STARD8: variants seen among roughly 807,000 people sequenced by gnomAD.
STARD8 encodes the protein StAR related lipid transfer domain containing 8.
In STARD8, 25 loss-of-function variants were observed where a neutral mutation model predicts 69.4. The ratio of observed to expected loss-of-function variants is 0.36; its 90% CI spans 0.26 to 0.50. The LOEUF is 0.50. Ranked by LOEUF, STARD8 falls within the 20% of genes least tolerant of loss-of-function variation. STARD8 has a pLI of 0.96. For missense variants in STARD8, 921 were observed against 932.5 expected, an observed-to-expected ratio of 0.99 and a Z score of 0.16; for synonymous variants, 389 against 374.6, an observed-to-expected ratio of 1.04 and a Z score of -0.45.
chrX:68,682,337 G>A (rs2079806337), intron 2 of STARD8, among the ~76,000 whole-genome samples: 1 of 112,218 alleles, frequency 8.9e-6, no homozygotes, highest in Non-Finnish European at 1.9e-5. Context: ...AAGTGCTAAT[G>A]CTGCGCCAAA....
chrX:68,687,653 G>A (rs2079842963), intron 2 of STARD8, among the ~76,000 whole-genome samples: 1 of 112,420 alleles, frequency 8.9e-6, no homozygotes, highest in Admixed American at 9.4e-5. Flanking sequence ...GAGCCAGAGA[G>A]GGCAAGACTC....
chrX:68,716,630 T>A (rs931647589), intron 5 of STARD8, among the ~76,000 whole-genome samples, 199 bp downstream of exon 5: 7 of 111,113 alleles, frequency 6.3e-5, no homozygotes, highest in Non-Finnish European at 1.3e-4. Context: ...CTTGCTTTTT[T>A]TTTTCTGGGG....
Position 68,717,722 on chromosome X carries a change from A to G in STARD8, c.808A>G (p.Ser270Gly), listed in dbSNP as rs778667833. Residue 270 changes from serine to glycine, a missense_variant, in exon 6 of 15, where the codon AGT becomes GGT. By Grantham distance (56) the Ser-to-Gly change is moderately conservative. Coordinates refer to ENST00000374599, the MANE Select transcript of STARD8 (RefSeq NM_001142503.3). The stretch of plus-strand genomic sequence containing the variant: ...CTGGGCCGCCACCTCAGCCGGTGGC[A>G]GTGGTGCCAATACTCGGAAGGCCTG... The part of the protein sequence containing the change: ...KNWAATSAGG[S>G]GANTRKAWEA... 42 of 1,210,745 alleles carry G rather than the reference A, an allele frequency of 3.5e-5. No homozygotes were observed. The highest frequency in any genetic ancestry group is 4.7e-5 in the Non-Finnish European group (42 of 895,291).
At chrX:68,678,390 C>T (rs183048424) in intron 2 of STARD8, among the ~76,000 whole-genome samples, 1 of 111,722 alleles carries the variant, frequency 9.0e-6, no homozygotes, top group Non-Finnish European at 1.9e-5. Context: ...GAAGGCCAAA[C>T]CAGACGAATG....
chrX:68,687,716 G>C (rs978983099), intron 2 of STARD8, among the ~76,000 whole-genome samples: 2 of 112,408 alleles, frequency 1.8e-5, no homozygotes, highest in Admixed American at 1.9e-4. Flanking sequence ...AAGCCAGAGT[G>C]ACAGTTGCCT....
intron 1 of STARD8, among the ~76,000 whole-genome samples, chrX:68,654,567 G>T (rs189535681): frequency 9.0e-6 from 1 of 111,575 alleles, no homozygotes; most frequent in East Asian, 2.8e-4. Flanking sequence ...GTGCACAAGG[G>T]CTTTCCTGAG....
chrX:68,696,530 A>G (rs1020181277), intron 2 of STARD8, among the ~76,000 whole-genome samples: 1 of 111,953 alleles, frequency 8.9e-6, no homozygotes, highest in Non-Finnish European at 1.9e-5. Flanking sequence ...CCTCGACCAC[A>G]CACAGGAATT....
intron 2 of STARD8, among the ~76,000 whole-genome samples, chrX:68,682,585 A>G (rs1823591767): frequency 8.9e-6 from 1 of 112,123 alleles, no homozygotes; most frequent in South Asian, 3.7e-4. Context: ...AAATAATTTA[A>G]CCTCTTCATG....
Position 68,717,386 on chromosome X carries a change from C to G in STARD8, c.472C>G (p.Leu158Val). The change falls in exon 6 of 15, where the codon CTG becomes GTG. Residue 158 changes from leucine to valine, a missense_variant. By Grantham distance (32) the Leu-to-Val change is conservative (BLOSUM62 1). Transcript: ENST00000374599. ...CCTCACCGAGCTTAGTGCCACCTCT[C>G]TGCCAGTCATCACCGTGAGCCTACC... is the stretch of plus-strand genomic sequence containing the variant. ...SVLTELSATS[L>V]PVITVSLPPE... The G allele has an allele frequency of 8.3e-7, 1 of 1,209,851 alleles. No individual in the cohort carries two copies. The highest frequency in any genetic ancestry group is 1.1e-6 in the Non-Finnish European group (1 of 894,909).
rs2080125750 is a variant in STARD8 at position 68,719,253 on chromosome X, TC to T, written c.1747del (p.His583IlefsTer54). The T allele has an allele frequency of 1.1e-5, 13 of 1,192,584 alleles. No homozygotes were observed. The highest frequency in any genetic ancestry group is 1.5e-5 in the Non-Finnish European group (13 of 886,085). ...GCTCCGTTGGCATAGCTTCCAGAAC[TC>T]CCATCGTCCCAGCCTCAACTCAGAG... Reference protein sequence around the residue: ...RKLRWHSFQNSHRPSLNSESL... With the variant: ...RKLRWHSFQNXHRPSLNSESL... On this transcript the variant is annotated frameshift_variant, in exon 7 of 15. Coordinates refer to ENST00000374599, the MANE Select transcript of STARD8 (RefSeq NM_001142503.3). LOFTEE classifies it high-confidence loss of function.
rs778105117 is a variant in STARD8, at chrX:68,665,550, G to T, written c.79+18G>T. 3 of 1,203,290 alleles carry T rather than the reference G, an allele frequency of 2.5e-6. No individual in the cohort carries two copies. In the South Asian group the frequency reaches 5.4e-5, roughly 22 times the overall value. On this transcript the variant is annotated intron_variant, in intron 2 of 14. Coordinates refer to ENST00000374599, the MANE Select transcript of STARD8 (RefSeq NM_001142503.3). Reference sequence around the variant, plus strand: ...GAACGCTGGTAAGTACACGAGGTGGGCATTGCAAGTGGCATACAAAGAGAC... The same window carrying T: ...GAACGCTGGTAAGTACACGAGGTGGTCATTGCAAGTGGCATACAAAGAGAC...
At position 68,665,517 on chromosome X, in the gene STARD8, G is replaced by A; in HGVS notation, c.64G>A (p.Val22Met). The stretch of plus-strand genomic sequence containing the variant: ...TTTGCAGTGCTTCCCATTGCTGCAG[G>A]TGAAGAAGAACGCTGGTAAGTACAC... The part of the protein sequence containing the change: ...RKVKCFPLLQ[V>M]KKNAEAEAKR... The change falls in exon 2 of 15, where the codon GTG becomes ATG. Residue 22 changes from valine (V) to methionine (M), a missense_variant. Physicochemically the swap from Val to Met is conservative, Grantham distance 21 (BLOSUM62 1). Coordinates refer to ENST00000374599, the MANE Select transcript of STARD8 (RefSeq NM_001142503.3). The A allele has an allele frequency of 8.3e-7, 1 of 1,208,936 alleles. No homozygotes were observed. Among genetic ancestry groups the A allele is most frequent in the Non-Finnish European group, 1.1e-6 (1 of 894,132 alleles).
intron 1 of STARD8, among the ~76,000 whole-genome samples, chrX:68,661,245 C>T (rs1416688076): frequency 3.6e-5 from 4 of 111,778 alleles, no homozygotes; most frequent in Admixed American, 9.4e-5. Context: ...GAGGATGGCC[C>T]GGTTCTGGAC....
At chrX:68,655,220 ATGTG>A (rs772689887) in intron 1 of STARD8, among the ~76,000 whole-genome samples, 1 of 110,700 alleles carries the variant, frequency 9.0e-6, no homozygotes, top group African/African-American at 3.3e-5. Flanking sequence ...CGTCAGTCTG[ATGTG>A]TGTGTGTGTG....
rs189765712 is a variant in STARD8 at position 68,669,768 on chromosome X, C to T, written c.79+4236C>T. On this transcript the variant is annotated intron_variant, in intron 2 of 14. Coordinates refer to ENST00000374599, the MANE Select transcript of STARD8 (RefSeq NM_001142503.3). ...ACCCCTCCCCCAAGCTCTGAGGGGG[C>T]GGGGAGACAGATTTGAACAGTAGAA... Among the ~76,000 whole-genome samples, 177 of 112,222 alleles carry T rather than the reference C, an allele frequency of 1.6e-3. 1 individual carries two copies. The highest frequency in any genetic ancestry group is 2.7e-3 in the Non-Finnish European group (145 of 53,196).
intron 2 of STARD8, among the ~76,000 whole-genome samples, chrX:68,711,922 T>C (rs750003033): frequency 6.9e-4 from 78 of 112,724 alleles, no homozygotes; most frequent in Non-Finnish European, 1.3e-3. Flanking sequence ...TGATGCCAGG[T>C]CCCATGGTCC....
intron 2 of STARD8, among the ~76,000 whole-genome samples, chrX:68,687,438 A>G (rs1395447172): frequency 1.1e-4 from 12 of 111,583 alleles, no homozygotes; most frequent in Non-Finnish European, 1.9e-5. Context: ...AGCTCAAACA[A>G]CCCTCCCTCC....
Position 68,718,294 on chromosome X carries a change from C to A in STARD8, c.1380C>A (p.Val460=). 1 of 1,211,043 alleles carries A rather than the reference C, an allele frequency of 8.3e-7. No homozygotes were observed. The highest frequency in any genetic ancestry group is 1.1e-6 in the Non-Finnish European group (1 of 895,179). The part of the protein sequence containing the change: ...GESPAWAQAE[V]QPAVLAPAQA... The stretch of plus-strand genomic sequence containing the variant: ...CCCCAGCCTGGGCCCAGGCTGAAGT[C>A]CAGCCAGCAGTCCTGGCTCCGGCTC... The change falls in exon 6 of 15, where the codon GTC becomes GTA. Residue 460 remains valine, a synonymous_variant. Coordinates refer to ENST00000374599, the MANE Select transcript of STARD8 (RefSeq NM_001142503.3).
At chrX:68,661,982 T>TTC (rs2079652513) in intron 1 of STARD8, among the ~76,000 whole-genome samples, 1 of 69,888 alleles carries the variant, frequency 1.4e-5, no homozygotes, top group African/African-American at 8.4e-5. Flanking sequence ...CTTTCTTTCT[T>TTC]TCTTTCTTTC....
Sources: allele counts gnomAD v4.1 joint callset (sites outside exome capture counted in the v4.1 genomes callset), GRCh38; gene constraint gnomAD v4.1.1; transcripts MANE v1.5; gene names NCBI Gene and HGNC (gene_info 2026-07-23, HGNC 2026-07-21).